LRRC75B: variants seen among roughly 807,000 people sequenced by gnomAD.
LRRC75B encodes leucine rich repeat containing 75B, also known as leucine-rich repeat-containing protein 75B.
LRRC75B carries 20 observed loss-of-function variants against 16.5 expected under a neutral mutation model. The observed-to-expected ratio is 1.21, with a 90% CI of 0.85 to 1.76. The LOEUF is 1.76. LRRC75B is among the 40% of genes most tolerant of loss of function. The pLI, the probability that LRRC75B is intolerant of heterozygous loss-of-function variation, is 0.00. For synonymous variants in LRRC75B, 199 were observed against 198.1 expected (o/e 1.00, Z -0.04); for missense variants, 406 against 417.0 (o/e 0.97, Z 0.23).
chr22:24,589,054 G>A (rs2045487802), intron 2 of LRRC75B: 5 of 1,025,586 alleles, frequency 4.9e-6, no homozygotes, highest in African/African-American at 3.5e-5. Flanking sequence ...TGTGATGGCC[G>A]TGGGCTAGGC....
chr22:24,588,390 G>C, intron 2 of LRRC75B, 61 bp from the exon 3 acceptor site: 1 of 1,321,820 alleles, frequency 7.6e-7, no homozygotes, highest in Non-Finnish European at 1.1e-6. Flanking sequence ...TCAGGGCCTT[G>C]GGGAGAGGGA....
In LRRC75B at chr22:24,589,878, G is replaced by T; in HGVS notation, c.249C>A (p.Asp83Glu). The T allele has an allele frequency of 6.2e-7, 1 of 1,613,958 alleles. No individual in the cohort carries two copies. The highest frequency in any genetic ancestry group is 8.5e-7 in the Non-Finnish European group (1 of 1,179,924). Residue 83 changes from aspartate (D) to glutamate (E), a missense_variant, in exon 2 of 4, where the codon GAC (aspartate) becomes GAA (glutamate). Coordinates refer to ENST00000318753, the MANE Select transcript of LRRC75B (RefSeq NM_207644.3). ...YRDVAFLNPV[D>E]PISHDLLVNL... ...TCACAAGCAGGTCATGGGAGATGGGGTCGACCGGGTTGAGGAAGGCCACAT... is the reference window on the plus strand; with the variant it reads ...TCACAAGCAGGTCATGGGAGATGGGTTCGACCGGGTTGAGGAAGGCCACAT...
chr22:24,592,655 T>C (rs2045605467), intron 1 of LRRC75B: 10 of 818,140 alleles, frequency 1.2e-5, no homozygotes, highest in Non-Finnish European at 1.7e-5. Context: ...CAGCCCTCAC[T>C]CCAGGCGGTC....
intron 2 of LRRC75B, chr22:24,589,066 C>A: frequency 9.6e-7 from 1 of 1,036,648 alleles, no homozygotes. Context: ...GGGCTAGGCG[C>A]AGAGTCCTAG....
intron 3 of LRRC75B, among the ~76,000 whole-genome samples, chr22:24,587,132 G>A (rs1385917003): frequency 6.6e-6 from 1 of 152,062 alleles, no homozygotes; most frequent in Admixed American, 6.6e-5. Flanking sequence ...TTTTCCCTGT[G>A]CCCCTTCTGA....
chr22:24,586,097 A>G lies in LRRC75B; in HGVS notation c.737T>C (p.Leu246Pro), dbSNP rs1381567809. ...TKFPALAWVD[L>P]GNNVDVASLP... Reference sequence around the variant, plus strand: ...GGAAGCCACATCCACGTTGTTGCCCAGGTCCACCCAAGCCAAAGCAGGGAA... The same window carrying G: ...GGAAGCCACATCCACGTTGTTGCCCGGGTCCACCCAAGCCAAAGCAGGGAA... Residue 246 changes from leucine to proline, a missense_variant, in exon 4 of 4, where the codon CTG becomes CCG. Leu to Pro is a moderately conservative substitution (Grantham distance 98). Coordinates refer to ENST00000318753, the MANE Select transcript of LRRC75B (RefSeq NM_207644.3). 1 of 1,612,594 alleles carries G rather than the reference A, an allele frequency of 6.2e-7. No homozygotes were observed. The highest frequency in any genetic ancestry group is 1.3e-5 in the African/African-American group (1 of 74,950).
At chr22:24,592,693 T>G in intron 1 of LRRC75B, 170 bp downstream of exon 1, 1 of 1,198,190 alleles carries the variant, frequency 8.3e-7, no homozygotes. Context: ...AGACCCCGCG[T>G]GCTGCAGCCT....
At chr22:24,586,809 G>A (rs2045409431) in intron 3 of LRRC75B, among the ~76,000 whole-genome samples, 1 of 152,254 alleles carries the variant, frequency 6.6e-6, no homozygotes, top group South Asian at 2.1e-4. Flanking sequence ...GGGATTACAG[G>A]CGTGAGCCAC....
rs1165033413 is a variant in LRRC75B at position 24,586,152 on chromosome 22, G to A, written c.682C>T (p.Leu228Phe). 2 of 1,613,514 alleles carry A rather than the reference G, an allele frequency of 1.2e-6. No individual in the cohort carries two copies. The highest frequency in any genetic ancestry group is 4.5e-5 in the East Asian group (2 of 44,884). ...NRLTRATARKLTDAIKDTTKF... is the reference protein window; with the variant it reads ...NRLTRATARKFTDAIKDTTKF... ...GTGGTGTCCTTGATGGCATCAGTGA[G>A]CTTGCGGGCAGTGGCCCGCGTCAGT... Residue 228 changes from leucine to phenylalanine, a missense_variant, in exon 4 of 4, where the codon CTC becomes TTC. By Grantham distance (22) the Leu-to-Phe change is conservative. Transcript: ENST00000318753.
In LRRC75B at chr22:24,588,343, G is replaced by C; in HGVS notation, c.307-14C>G. 6.3e-7 allele frequency: 1 copy of C among 1,595,890 alleles called. No homozygotes were observed. Among genetic ancestry groups the C allele is most frequent in the Non-Finnish European group, 8.6e-7 (1 of 1,165,548 alleles). ...GAGCTCATAGTCCTGTGGGAGGGCA[G>C]TGTCACCATGGTGAATCTGAGCCCC... On this transcript the variant is annotated splice_polypyrimidine_tract_variant and intron_variant, in intron 2 of 3. Transcript: ENST00000318753.
At chr22:24,587,752 G>A (rs2045440734) in intron 3 of LRRC75B, among the ~76,000 whole-genome samples, 1 of 152,190 alleles carries the variant, frequency 6.6e-6, no homozygotes, top group African/African-American at 2.4e-5. Flanking sequence ...TTCCCAACAA[G>A]GTACAGGAAA....
At position 24,589,804 on chromosome 22, in the gene LRRC75B, G is replaced by A. The variant is rs368440282; in HGVS notation, c.306+17C>T. On this transcript the variant is annotated intron_variant, in intron 2 of 3. Transcript: ENST00000318753. ...CACCACAGTGCCCAGCCCAGGGCCC[G>A]TGCCTGCCAGCCTCACCTTCTTGGG... 6.6e-5 allele frequency: 106 copies of A among 1,605,528 alleles called. No homozygotes were observed. Among genetic ancestry groups the A allele is most frequent in the Non-Finnish European group, 7.5e-5 (88 of 1,176,836 alleles).
rs535162295 is a variant in LRRC75B at position 24,588,175 on chromosome 22, A to G, written c.422+39T>C. 11 of 1,486,340 alleles carry G rather than the reference A, an allele frequency of 7.4e-6. No homozygotes were observed. The East Asian group carries it at 2.0e-4, about 28-fold the overall frequency. The allele number at this position is 1,486,340 out of a possible 1,614,324, so 92.1% of individuals were successfully genotyped here. A position where few individuals can be genotyped will look rare whatever the true frequency, so the allele number is the denominator to read the frequency against. On this transcript the variant is annotated intron_variant, in intron 3 of 3. Coordinates refer to ENST00000318753, the MANE Select transcript of LRRC75B (RefSeq NM_207644.3). ...GTGTCAACCTGAGAAGGGACCTTGG[A>G]GCAGCAGTGAGGAGGGGCAGTGGCT...
chr22:24,590,709 A>G (rs2045544946), intron 1 of LRRC75B, among the ~76,000 whole-genome samples: 3 of 152,074 alleles, frequency 2.0e-5, no homozygotes, highest in Non-Finnish European at 4.4e-5. Context: ...CTGTTTGCGG[A>G]CAGGTATGGA....
chr22:24,592,183 A>G (rs2045589573), intron 1 of LRRC75B: 1 of 407,982 alleles, frequency 2.5e-6, no homozygotes, highest in South Asian at 1.8e-5. Context: ...GCATCCTGGG[A>G]CAACCCAGGG....
Position 24,589,149 on chromosome 22 carries a change from G to A in LRRC75B, c.306+672C>T, listed in dbSNP as rs889883779. ...AGCGGATACCCTGGTTTTGGTTGGG[G>A]ACTCACTGTGACTAGGAGTCTGGGT... On this transcript the variant is annotated intron_variant, in intron 2 of 3. Transcript: ENST00000318753. The A allele has an allele frequency of 9.6e-6, 11 of 1,142,614 alleles. No individual in the cohort carries two copies. In the African/African-American group the frequency reaches 1.5e-4, roughly 16 times the overall value. The allele number at this position is 1,142,614 out of a possible 1,614,324, so 70.8% of individuals were successfully genotyped here.
In LRRC75B at chr22:24,589,887, G is replaced by A. The variant is rs2045517855; in HGVS notation, c.240C>T (p.Asn80=). 1 of 1,613,724 alleles carries A rather than the reference G, an allele frequency of 6.2e-7. No individual in the cohort carries two copies. Among genetic ancestry groups the A allele is most frequent in the South Asian group, 1.1e-5 (1 of 91,008 alleles). Residue 80 remains asparagine, a synonymous_variant, in exon 2 of 4, where the codon AAC becomes AAT. Coordinates refer to ENST00000318753, the MANE Select transcript of LRRC75B (RefSeq NM_207644.3). The part of the protein sequence containing the change: ...DILYRDVAFL[N]PVDPISHDLL... ...GGTCATGGGAGATGGGGTCGACCGG[G>A]TTGAGGAAGGCCACATCTCTGTAGA...
In LRRC75B at chr22:24,588,480, C is replaced by T. The variant is rs557504299; in HGVS notation, c.307-151G>A. 21 of 757,784 alleles carry T rather than the reference C, an allele frequency of 2.8e-5. No homozygotes were observed. In the Admixed American group the frequency reaches 3.2e-4, roughly 12 times the overall value. The allele number at this position is 757,784 out of a possible 1,614,324, so 46.9% of individuals were successfully genotyped here. A position where few individuals can be genotyped will look rare whatever the true frequency, so the allele number is the denominator to read the frequency against. On this transcript the variant is annotated intron_variant, in intron 2 of 3. Coordinates refer to ENST00000318753, the MANE Select transcript of LRRC75B (RefSeq NM_207644.3). ...TGCCCACCAGGGCCTCCCCCTCCTACCCCCCAACCCGGCTGTGGCCTGGCA... is the reference window on the plus strand; with the variant it reads ...TGCCCACCAGGGCCTCCCCCTCCTATCCCCCAACCCGGCTGTGGCCTGGCA...
Position 24,589,831 on chromosome 22 carries a change from C to T in LRRC75B, c.296G>A (p.Cys99Tyr). ...GCCTGCCAGCCTCACCTTCTTGGGG[C>T]ACTGCAGGTCCCGGGCCAGGTTCAC... ...LLVNLARDLQ[C>Y]PKKDYELWKS... The change falls in exon 2 of 4, where the codon TGC becomes TAC. Residue 99 changes from cysteine (C) to tyrosine (Y), a missense_variant. By Grantham distance (194) the Cys-to-Tyr change is radical. Transcript: ENST00000318753. 2 of 1,612,914 alleles carry T rather than the reference C, an allele frequency of 1.2e-6. No individual in the cohort carries two copies. Among genetic ancestry groups the T allele is most frequent in the South Asian group, 1.1e-5 (1 of 90,850 alleles).
Sources: gnomAD v4.1 joint callset for allele counts (sites outside exome capture counted in the v4.1 genomes callset) on GRCh38, gnomAD v4.1.1 for gene constraint, MANE v1.5 for transcripts, NCBI Gene and HGNC (gene_info 2026-07-23, HGNC 2026-07-21) for gene names.